Variants in RABGAP1L observed in about 807,000 individuals in gnomAD.
RABGAP1L encodes the protein rab GTPase-activating protein 1-like.
Under a neutral mutation model 137.7 loss-of-function variants are expected in RABGAP1L, and 63 were observed. That is an observed-to-expected ratio of 0.46 (90% confidence interval 0.37 to 0.56). The LOEUF (loss-of-function observed/expected upper bound fraction) is 0.56. Ranked by LOEUF, RABGAP1L falls within the 20% of genes least tolerant of loss-of-function variation. The pLI is 0.00. For synonymous variants in RABGAP1L, 431 were observed against 433.7 expected (o/e 0.99, Z 0.08); for missense variants, 1,095 against 1,244.0 (o/e 0.88, Z 1.80).
At chr1:174,657,795 G>GT (rs1434239890) in intron 14 of RABGAP1L, among the ~76,000 whole-genome samples, 1 of 152,148 alleles carries the variant, frequency 6.6e-6, no homozygotes, top group East Asian at 1.9e-4. Flanking sequence ...TCTATTTGTA[G>GT]TTTTTTTAGG....
At chr1:174,477,218 C>G (rs901593410) in intron 13 of RABGAP1L, among the ~76,000 whole-genome samples, 4 of 152,176 alleles carry the variant, frequency 2.6e-5, no homozygotes, top group Admixed American at 2.6e-4. Context: ...CTTAGCTAAT[C>G]TATATGTTTA....
intron 15 of RABGAP1L, among the ~76,000 whole-genome samples, 171 bp downstream of exon 15, chr1:174,683,767 C>T (rs1036734130): frequency 3.3e-5 from 5 of 151,996 alleles, no homozygotes; most frequent in South Asian, 4.2e-4. Context: ...GTCAAAAATA[C>T]GACAGTTTCT....
chr1:174,277,492 A>T (rs1339166464), intron 9 of RABGAP1L, among the ~76,000 whole-genome samples: 1 of 151,554 alleles, frequency 6.6e-6, no homozygotes, highest in Non-Finnish European at 1.5e-5. Flanking sequence ...CCACAAAAGA[A>T]AATTTATTTA....
intron 13 of RABGAP1L, among the ~76,000 whole-genome samples, chr1:174,525,649 G>C (rs867274003): frequency 3.0e-4 from 45 of 152,184 alleles, no homozygotes; most frequent in African/African-American, 1.0e-3. Context: ...TTGACTGATT[G>C]CTGTGGCTGG....
At chr1:174,383,349 C>G (rs1054468469) in intron 12 of RABGAP1L, among the ~76,000 whole-genome samples, 14 of 151,712 alleles carry the variant, frequency 9.2e-5, no homozygotes, top group Non-Finnish European at 1.6e-4. Context: ...CTTTGTTTAC[C>G]TAAGCAAGCC....
chr1:174,405,264 G>A (rs1295718325), intron 13 of RABGAP1L, among the ~76,000 whole-genome samples: 1 of 152,160 alleles, frequency 6.6e-6, no homozygotes. Flanking sequence ...GATGAGTCAT[G>A]TAGCCAAGTA....
chr1:174,910,075 C>T (rs1659811311), intron 19 of RABGAP1L, among the ~76,000 whole-genome samples: 1 of 152,018 alleles, frequency 6.6e-6, no homozygotes, highest in African/African-American at 2.4e-5. Context: ...GGATGCGGAG[C>T]TTGCAGTGAG....
chr1:174,192,970 A>G (rs1477339208), intron 1 of RABGAP1L, among the ~76,000 whole-genome samples: 1 of 152,212 alleles, frequency 6.6e-6, no homozygotes, highest in Non-Finnish European at 1.5e-5. Flanking sequence ...TTAATTAGCT[A>G]TATTAAATAA....
intron 13 of RABGAP1L, among the ~76,000 whole-genome samples, chr1:174,543,554 A>C (rs775907852): frequency 6.6e-6 from 1 of 152,128 alleles, no homozygotes; most frequent in Non-Finnish European, 1.5e-5. Flanking sequence ...ATCCAATTTA[A>C]CAGTCTGTGT....
In RABGAP1L at chr1:174,190,316, AAAAGAAAGAAAG is replaced by A. The variant is rs58387748; in HGVS notation, c.-33-28798_-33-28787del. On this transcript the variant is annotated intron_variant, in intron 1 of 25. Coordinates refer to ENST00000681986, the MANE Select transcript of RABGAP1L (RefSeq NM_001366446.1). ...GACTCCGTTGCAAAAAAAAAAAAAA[AAAAGAAAGAAAG>A]AAAGAAAGAAGGCTCTCACCAGATG... 2.0e-5 allele frequency among the ~76,000 whole-genome samples: 3 copies of A among 150,882 alleles called. No homozygotes were observed. The East Asian group carries it at 5.8e-4, about 29-fold the overall frequency.
chr1:174,470,941 G>A (rs1161134794), intron 13 of RABGAP1L, among the ~76,000 whole-genome samples: 1 of 152,020 alleles, frequency 6.6e-6, no homozygotes, highest in Admixed American at 6.6e-5. Flanking sequence ...CATTTTCTCA[G>A]TCAAGAATTA....
intron 13 of RABGAP1L, among the ~76,000 whole-genome samples, chr1:174,550,909 TACACACACACAC>T (rs1159259220): frequency 4.3e-5 from 2 of 46,278 alleles, no homozygotes; most frequent in Non-Finnish European, 7.1e-5. Flanking sequence ...CACACACATA[TACACACACACAC>T]ATATATATAT....
chr1:174,194,543 T>G (rs1223245521), intron 1 of RABGAP1L, among the ~76,000 whole-genome samples: 1 of 152,112 alleles, frequency 6.6e-6, no homozygotes, highest in Non-Finnish European at 1.5e-5. Context: ...CGGCTTCAGT[T>G]AATTCTAAAG....
chr1:174,891,352 A>G (rs907519956), intron 19 of RABGAP1L, among the ~76,000 whole-genome samples: 2 of 152,218 alleles, frequency 1.3e-5, no homozygotes, highest in Non-Finnish European at 2.9e-5. Context: ...TGAGTAACTG[A>G]TATTTTAAAT....
In RABGAP1L at chr1:174,231,156, C is replaced by T. The variant is rs574237832; in HGVS notation, c.343C>T (p.Pro115Ser). The T allele has an allele frequency of 1.3e-5, 21 of 1,610,250 alleles. No individual in the cohort carries two copies. In the South Asian group the frequency reaches 1.8e-4, roughly 13 times the overall value. ...LDPSNTEIST[P>S]RPSSPGGLPE... ...TTTTGTTTCTTCAGAAATTTCTACACCCAGACCATCTTCTCCAGGTGGACT... is the reference window on the plus strand; with the variant it reads ...TTTTGTTTCTTCAGAAATTTCTACATCCAGACCATCTTCTCCAGGTGGACT... Residue 115 changes from proline to serine, a missense_variant, in exon 4 of 26, where the codon CCC becomes TCC. Physicochemically the swap from Pro to Ser is moderately conservative, Grantham distance 74. Coordinates refer to ENST00000681986, the MANE Select transcript of RABGAP1L (RefSeq NM_001366446.1).
chr1:174,804,963 A>G (rs1183819464), intron 18 of RABGAP1L, among the ~76,000 whole-genome samples: 2 of 152,208 alleles, frequency 1.3e-5, no homozygotes, highest in Non-Finnish European at 2.9e-5. Flanking sequence ...CTCTTTAAAG[A>G]GAGGTTACAA....
intron 19 of RABGAP1L, among the ~76,000 whole-genome samples, chr1:174,814,188 G>T (rs1424385027): frequency 6.6e-6 from 1 of 152,134 alleles, no homozygotes; most frequent in Non-Finnish European, 1.5e-5. Flanking sequence ...CAAATGGACT[G>T]CTCCTGGAAG....
Position 174,550,997 on chromosome 1 carries a change from C to CATATATATATATATATATAT in RABGAP1L, c.1711-86377_1711-86376insTATATATATATATATATATA, listed in dbSNP as rs1252681895. ...ATGTATATATACATATATATATATA[C>CATATATATATATATATATAT]ACATATATATATATATATATATATA... On this transcript the variant is annotated intron_variant, in intron 13 of 25. Transcript: ENST00000681986. Among the ~76,000 whole-genome samples the CATATATATATATATATATAT allele has an allele frequency of 1.2e-4, 11 of 92,170 alleles. 1 individual carries two copies. The highest frequency in any genetic ancestry group is 6.0e-4 in the South Asian group (2 of 3,348). The allele number at this position is 92,170 out of a possible 152,430, so 60.5% of individuals were successfully genotyped here. A position where few individuals can be genotyped will look rare whatever the true frequency, so the allele number is the denominator to read the frequency against.
chr1:174,500,544 T>C (rs2149375046), intron 13 of RABGAP1L, among the ~76,000 whole-genome samples: 1 of 152,316 alleles, frequency 6.6e-6, no homozygotes, highest in South Asian at 2.1e-4. Context: ...GTTCCTACCC[T>C]GCAGATATTC....
Sources: allele counts gnomAD v4.1 joint callset (sites outside exome capture counted in the v4.1 genomes callset), GRCh38; gene constraint gnomAD v4.1.1; transcripts MANE v1.5; gene names NCBI Gene and HGNC (gene_info 2026-07-23, HGNC 2026-07-21).